Variants in PCDHA2 observed in about 807,000 individuals in gnomAD.
PCDHA2 encodes the protein protocadherin alpha-2.
In PCDHA2, 58 loss-of-function variants were observed where a neutral mutation model predicts 66.0. The observed-to-expected ratio is 0.88, with a 90% CI of 0.71 to 1.09. The LOEUF (loss-of-function observed/expected upper bound fraction) is 1.09, where lower values mean the gene tolerates loss of function less well. Among genes scored for constraint, PCDHA2 ranks in the 50% least tolerant of loss-of-function variants. The pLI, the probability that PCDHA2 is intolerant of heterozygous loss-of-function variation, is 0.00. For missense variants in PCDHA2, 1,267 were observed against 1,242.3 expected (o/e 1.02, Z -0.30); for synonymous variants, 634 against 554.0 (o/e 1.14, Z -2.03).
intron 1 of PCDHA2, chr5:140,856,200 T>C (rs1463727286): frequency 6.3e-7 from 1 of 1,597,908 alleles, no homozygotes; most frequent in Non-Finnish European, 8.6e-7. Flanking sequence ...GCGCAGGACC[T>C]GGGGCTGGAG....
chr5:140,914,020 C>T (rs2076562854), intron 1 of PCDHA2, among the ~76,000 whole-genome samples: 1 of 152,036 alleles, frequency 6.6e-6, no homozygotes, highest in African/African-American at 2.4e-5. Context: ...GAGAATGATC[C>T]ACGTGCTGAG....
chr5:140,801,920 G>A (rs562105499), intron 1 of PCDHA2: 1 of 1,614,182 alleles, frequency 6.2e-7, no homozygotes, highest in South Asian at 1.1e-5. Context: ...ACGCCCCAGC[G>A]TTTGAGAGGA....
rs781915766 is a variant in PCDHA2, at chr5:140,869,999, G to C, written c.2388+72647G>C. Reference sequence around the variant, plus strand: ...TTATTTACACTAGATCAAAATAATGGAGAAGTGAGGGTCAATGGAACTTTA... The same window carrying C: ...TTATTTACACTAGATCAAAATAATGCAGAAGTGAGGGTCAATGGAACTTTA... On this transcript the variant is annotated intron_variant, in intron 1 of 3. Coordinates refer to ENST00000526136, the MANE Select transcript of PCDHA2 (RefSeq NM_018905.3). The C allele has an allele frequency of 3.7e-6, 6 of 1,613,396 alleles. No individual in the cohort carries two copies. In the South Asian group the frequency reaches 6.6e-5, roughly 18 times the overall value.
rs377441374 is a variant in PCDHA2, at chr5:140,884,065, C to T, written c.2388+86713C>T. The T allele has an allele frequency of 3.7e-6, 6 of 1,613,346 alleles. No individual in the cohort carries two copies. The African/African-American group carries it at 5.3e-5, about 14-fold the overall frequency. ...TGGCGAAGGTGCGCGCGGTGGACGC[C>T]GATTCGGGCTACAATGCGTGGCTTT... is the stretch of plus-strand genomic sequence containing the variant. On this transcript the variant is annotated intron_variant, in intron 1 of 3. Transcript: ENST00000526136.
chr5:140,803,505 ATGGCTTTT>A, intron 1 of PCDHA2: 1 of 1,614,250 alleles, frequency 6.2e-7, no homozygotes, highest in Non-Finnish European at 8.5e-7. Context: ...GACCGACCTC[ATGGCTTTT>A]AGCCCTAGCC....
At chr5:140,835,436 T>A in intron 1 of PCDHA2, 1 of 1,613,890 alleles carries the variant, frequency 6.2e-7, no homozygotes, top group Non-Finnish European at 8.5e-7. Context: ...CACAGTTGAC[T>A]CTCACTTCCC....
In PCDHA2 at chr5:140,856,671, AGTT is replaced by A. The variant is rs781932565; in HGVS notation, c.2388+59327_2388+59329del. 8 of 1,597,880 alleles carry A rather than the reference AGTT, an allele frequency of 5.0e-6. 1 individual carries two copies. The highest frequency in any genetic ancestry group is 4.5e-5 in the East Asian group (2 of 44,874). The stretch of plus-strand genomic sequence containing the variant: ...GATCGTGAAGAAAATCCTCAGCTAA[AGTT>A]GTTGTTGACAGCAACTGATGGAGGC... On this transcript the variant is annotated intron_variant, in intron 1 of 3. Transcript: ENST00000526136.
chr5:141,000,192 T>C lies in PCDHA2; in HGVS notation c.2537-9435T>C, dbSNP rs112948047. 6.4e-3 allele frequency among the ~76,000 whole-genome samples: 968 copies of C among 151,888 alleles called. 13 individuals carry two copies. Among genetic ancestry groups the C allele is most frequent in the African/African-American group, 0.023 (941 of 41,384 alleles). ...TTGAGCCAAGGAGTCAATGTGAGAA[T>C]AGTTTTTCACCTTCATTATCAAATG... On this transcript the variant is annotated intron_variant, in intron 3 of 3. Coordinates refer to ENST00000526136, the MANE Select transcript of PCDHA2 (RefSeq NM_018905.3).
chr5:140,830,998 T>TA (rs1415698100), intron 1 of PCDHA2: 3 of 152,294 alleles, frequency 2.0e-5, no homozygotes, highest in Non-Finnish European at 4.4e-5. Context: ...TCATAGTTTT[T>TA]ATCTGTGGTT....
At chr5:140,843,361 G>T in intron 1 of PCDHA2, 1 of 1,596,046 alleles carries the variant, frequency 6.3e-7, no homozygotes, top group South Asian at 1.1e-5. Context: ...AAGCGTCATC[G>T]AGGCAGTCGG....
At chr5:140,925,217 G>T (rs1217593393) in intron 1 of PCDHA2, among the ~76,000 whole-genome samples, 1 of 152,154 alleles carries the variant, frequency 6.6e-6, no homozygotes, top group Non-Finnish European at 1.5e-5. Flanking sequence ...ATACTTTTAG[G>T]CAGGTTTCTA....
At chr5:140,829,999 C>A in intron 1 of PCDHA2, 2 of 1,613,998 alleles carry the variant, frequency 1.2e-6, no homozygotes. Flanking sequence ...CCACTCGTGT[C>A]CTGGACGAAG....
intron 3 of PCDHA2, among the ~76,000 whole-genome samples, chr5:141,008,842 T>C (rs1554261951): frequency 6.6e-6 from 1 of 152,214 alleles, no homozygotes; most frequent in East Asian, 1.9e-4. Context: ...TCTTACGCTG[T>C]GTATTCCCAT....
At chr5:140,909,169 A>G (rs545864609) in intron 1 of PCDHA2, among the ~76,000 whole-genome samples, 1 of 152,356 alleles carries the variant, frequency 6.6e-6, no homozygotes, top group African/African-American at 2.4e-5. Context: ...AAATCAATCA[A>G]GTTCTCTCCA....
At chr5:140,933,651 C>G (rs2089301034) in intron 1 of PCDHA2, among the ~76,000 whole-genome samples, 1 of 151,824 alleles carries the variant, frequency 6.6e-6, no homozygotes, top group South Asian at 2.1e-4. Flanking sequence ...GTTGGAAATC[C>G]TGTCTCTCTC....
intron 1 of PCDHA2, chr5:140,968,051 C>T (rs1353005851): frequency 1.2e-6 from 2 of 1,614,018 alleles, no homozygotes; most frequent in African/African-American, 1.3e-5. Flanking sequence ...CCCACTGGAC[C>T]GAGAGCGGGT....
chr5:140,884,651 T>G (rs2153405863), intron 1 of PCDHA2: 2 of 1,604,404 alleles, frequency 1.2e-6, no homozygotes, highest in Non-Finnish European at 1.7e-6. Flanking sequence ...GGACTCAGAA[T>G]GCTTGAAAGA....
chr5:140,900,214 T>C (rs782509259), intron 1 of PCDHA2, among the ~76,000 whole-genome samples: 3 of 152,216 alleles, frequency 2.0e-5, no homozygotes, highest in Non-Finnish European at 4.4e-5. Flanking sequence ...ATCCAGGTTG[T>C]TGCAAATGAC....
intron 3 of PCDHA2, among the ~76,000 whole-genome samples, chr5:141,004,093 C>T (rs1016954345): frequency 1.3e-5 from 2 of 152,164 alleles, no homozygotes; most frequent in African/African-American, 4.8e-5. Flanking sequence ...GTGCTTCTTC[C>T]GTTTTCATCT....
Sources: allele counts gnomAD v4.1 joint callset (sites outside exome capture counted in the v4.1 genomes callset), GRCh38; gene constraint gnomAD v4.1.1; transcripts MANE v1.5; gene names NCBI Gene and HGNC (gene_info 2026-07-23, HGNC 2026-07-21).